TNFSF4: variants seen among roughly 807,000 people sequenced by gnomAD.
TNFSF4 encodes tumor necrosis factor ligand superfamily member 4.
Under a neutral mutation model 7.3 loss-of-function variants are expected in TNFSF4, and 4 were observed. The observed-to-expected ratio is 0.55, with a 90% CI of 0.27 to 1.25. The LOEUF is 1.25. TNFSF4 is among the 50% of genes most tolerant of loss of function. TNFSF4 has a pLI of 0.12. For synonymous variants in TNFSF4, 76 were observed against 83.7 expected (o/e 0.91, Z 0.50); for missense variants, 181 against 208.8 (o/e 0.87, Z 0.82).
chr1:173,176,193 AAACT>A, the TNFSF4 span, among the ~76,000 whole-genome samples: 1 of 152,184 alleles, frequency 6.6e-6, no homozygotes, highest in Non-Finnish European at 1.5e-5. Context: ...ATATCCGTAA[AAACT>A]AACTACCTTC....
chr1:173,420,517 T>G, the TNFSF4 span, among the ~76,000 whole-genome samples: 1 of 151,156 alleles, frequency 6.6e-6, no homozygotes. Flanking sequence ...AGTTAAAGAA[T>G]ATGGCCACCA....
chr1:173,185,263 A>G lies in TNFSF4; in HGVS notation c.*1253T>C, dbSNP rs1649173986. The G allele has an allele frequency of 6.6e-6, 1 of 152,230 alleles. No homozygotes were observed. The highest frequency in any genetic ancestry group is 2.4e-5 in the African/African-American group (1 of 41,452). The allele number at this position is 152,230 out of a possible 1,614,324, so 9.4% of individuals were successfully genotyped here. On this transcript the variant is annotated 3_prime_UTR_variant, in exon 3 of 3. Transcript: ENST00000281834. ...CACAGAGAAGTTACAAATCATCTGG[A>G]AAGTTGACATGAAAAATCAGATTGT... is the stretch of plus-strand genomic sequence containing the variant.
the TNFSF4 span, among the ~76,000 whole-genome samples, chr1:173,450,563 T>G: frequency 6.6e-6 from 1 of 151,668 alleles, no homozygotes; most frequent in Non-Finnish European, 1.5e-5. Context: ...TTAAAAGATA[T>G]TAATAATATG....
At chr1:173,266,378 G>A in the TNFSF4 span, among the ~76,000 whole-genome samples, 1 of 152,100 alleles carries the variant, frequency 6.6e-6, no homozygotes, top group Non-Finnish European at 1.5e-5. Context: ...AAATGGGATA[G>A]CCTCCCACCA....
intron 1 of TNFSF4, among the ~76,000 whole-genome samples, chr1:173,206,512 T>C (rs181769848): frequency 6.2e-4 from 94 of 152,296 alleles, no homozygotes; most frequent in African/African-American, 2.1e-3. Flanking sequence ...AGTGAGCACA[T>C]AGGCACACAC....
the TNFSF4 span, among the ~76,000 whole-genome samples, chr1:173,373,215 C>T: frequency 6.6e-6 from 1 of 152,158 alleles, no homozygotes; most frequent in Admixed American, 6.5e-5. Context: ...GCACAAAGTA[C>T]AAAAACCCAA....
the TNFSF4 span, chr1:173,363,463 G>C: frequency 2.6e-6 from 1 of 388,864 alleles, no homozygotes; most frequent in Non-Finnish European, 5.2e-6. Flanking sequence ...TCTAGACAAG[G>C]TTTTCACACT....
the TNFSF4 span, among the ~76,000 whole-genome samples, chr1:173,317,471 C>T: frequency 7.1e-4 from 108 of 152,164 alleles, no homozygotes; most frequent in African/African-American, 2.4e-3. Context: ...TTACATGTAA[C>T]GATGGTCCTT....
At chr1:173,288,560 C>A in the TNFSF4 span, among the ~76,000 whole-genome samples, 8 of 151,782 alleles carry the variant, frequency 5.3e-5, no homozygotes, top group African/African-American at 1.7e-4. Context: ...TAAAAAATAC[C>A]CTTTTCTCTC....
the TNFSF4 span, among the ~76,000 whole-genome samples, chr1:173,178,568 C>T: frequency 4.5e-4 from 69 of 152,022 alleles, no homozygotes; most frequent in African/African-American, 1.5e-3. Flanking sequence ...AGACAGACTC[C>T]GTCTCAAAAT....
At chr1:173,314,884 A>G in the TNFSF4 span, among the ~76,000 whole-genome samples, 1 of 152,210 alleles carries the variant, frequency 6.6e-6, no homozygotes, top group Middle Eastern at 3.4e-3. Context: ...GTGAAGTACA[A>G]TGGGTATAAT....
At chr1:173,204,742 C>A (rs1395894569) in intron 1 of TNFSF4, among the ~76,000 whole-genome samples, 3 of 149,130 alleles carry the variant, frequency 2.0e-5, no homozygotes, top group African/African-American at 7.8e-5. Flanking sequence ...ACCAACACCA[C>A]CACCACCACC....
At chr1:173,249,946 C>A in the TNFSF4 span, among the ~76,000 whole-genome samples, 1 of 152,164 alleles carries the variant, frequency 6.6e-6, no homozygotes, top group Non-Finnish European at 1.5e-5. Context: ...ATAATATGTT[C>A]TATTTCCCCC....
At chr1:173,268,625 A>G in the TNFSF4 span, among the ~76,000 whole-genome samples, 1 of 152,174 alleles carries the variant, frequency 6.6e-6, no homozygotes, top group African/African-American at 2.4e-5. Flanking sequence ...AAGAAAAACA[A>G]GAAACAGAGG....
At chr1:173,388,216 A>C in the TNFSF4 span, among the ~76,000 whole-genome samples, 53 of 152,354 alleles carry the variant, frequency 3.5e-4, no homozygotes, top group African/African-American at 1.2e-3. Context: ...TTGACATCAA[A>C]ACTGTGGTAC....
At chr1:173,343,835 G>C in the TNFSF4 span, among the ~76,000 whole-genome samples, 1 of 152,212 alleles carries the variant, frequency 6.6e-6, no homozygotes, top group Non-Finnish European at 1.5e-5. Context: ...AAGATGGAAT[G>C]AAATGGAAAG....
the TNFSF4 span, among the ~76,000 whole-genome samples, chr1:173,435,807 T>C: frequency 6.6e-6 from 1 of 152,230 alleles, no homozygotes; most frequent in African/African-American, 2.4e-5. Context: ...ATTTGTTGCA[T>C]CCTACCTTTA....
chr1:173,378,357 C>T, the TNFSF4 span, among the ~76,000 whole-genome samples: 1 of 152,190 alleles, frequency 6.6e-6, no homozygotes, highest in Non-Finnish European at 1.5e-5. Flanking sequence ...TTCTGAACAG[C>T]AGGGTCCAGG....
the TNFSF4 span, among the ~76,000 whole-genome samples, chr1:173,408,364 C>T: frequency 3.3e-5 from 5 of 152,064 alleles, no homozygotes; most frequent in East Asian, 9.7e-4. Context: ...CAGATTAGAA[C>T]CCAATAGATA....
Sources: gnomAD v4.1 joint callset for allele counts (sites outside exome capture counted in the v4.1 genomes callset) on GRCh38, gnomAD v4.1.1 for gene constraint, MANE v1.5 for transcripts, NCBI Gene and HGNC (gene_info 2026-07-23, HGNC 2026-07-21) for gene names.